Variants in LNPEP observed in about 807,000 individuals in gnomAD.
LNPEP encodes leucyl and cystinyl aminopeptidase, also known as leucyl-cystinyl aminopeptidase.
LNPEP carries 64 observed loss-of-function variants against 120.6 expected under a neutral mutation model. That is an observed-to-expected ratio of 0.53 (90% confidence interval 0.43 to 0.65). The LOEUF is 0.65. LNPEP is among the 30% of genes least tolerant of loss of function. The pLI is 0.00. For missense variants in LNPEP, 1,057 were observed against 1,200.0 expected (o/e 0.88, Z 1.76); for synonymous variants, 435 against 425.4 (o/e 1.02, Z -0.28).
chr5:96,971,779 C>T (rs1249471203), intron 1 of LNPEP, among the ~76,000 whole-genome samples: 1 of 151,866 alleles, frequency 6.6e-6, no homozygotes, highest in Admixed American at 6.6e-5. Context: ...GATTTCCCCA[C>T]GGAGAGTCTC....
At chr5:96,983,533 C>A (rs889524048) in intron 2 of LNPEP, among the ~76,000 whole-genome samples, 2 of 152,124 alleles carry the variant, frequency 1.3e-5, no homozygotes, top group Admixed American at 6.6e-5. Flanking sequence ...GCAGCCTCTG[C>A]CTCCCAGGTG....
chr5:96,979,434 CCCTCTG>C lies in LNPEP; in HGVS notation c.318_323del (p.Ser107_Ala108del), dbSNP rs1263321907. The C allele has an allele frequency of 1.2e-6, 2 of 1,614,048 alleles. No individual in the cohort carries two copies. On this transcript the variant is annotated inframe_deletion, in exon 2 of 18. Coordinates refer to ENST00000231368, the MANE Select transcript of LNPEP (RefSeq NM_005575.3). ...GAGCCCAGATGGGGCTTGTTCAGTA[CCCTCTG>C]CAAGGACCATGGTGGTCTGTGCTTT... is the stretch of plus-strand genomic sequence containing the variant.
chr5:97,004,113 C>G (rs1321315896), intron 9 of LNPEP, among the ~76,000 whole-genome samples: 1 of 152,216 alleles, frequency 6.6e-6, no homozygotes. Context: ...CACTTCAAAG[C>G]AGCACATGAA....
At chr5:97,018,062 A>T (rs953829146) in intron 13 of LNPEP, among the ~76,000 whole-genome samples, 6 of 152,110 alleles carry the variant, frequency 3.9e-5, no homozygotes, top group Non-Finnish European at 7.4e-5. Flanking sequence ...ACTTGATTGT[A>T]CCTGCAAAGA....
chr5:96,984,945 A>C, intron 2 of LNPEP, 135 bp from the exon 3 acceptor site: 1 of 892,522 alleles, frequency 1.1e-6, no homozygotes, highest in South Asian at 1.7e-5. Context: ...TCATTGTATA[A>C]ACCTCTGCCT....
intron 1 of LNPEP, among the ~76,000 whole-genome samples, chr5:96,939,386 G>T (rs1191467170): frequency 6.6e-6 from 1 of 151,840 alleles, no homozygotes; most frequent in African/African-American, 2.4e-5. Context: ...AATAATTTTT[G>T]TATTTCTAGT....
chr5:96,998,448 A>C (rs1427715326), intron 8 of LNPEP, among the ~76,000 whole-genome samples: 2 of 152,206 alleles, frequency 1.3e-5, no homozygotes, highest in Non-Finnish European at 2.9e-5. Context: ...TGTTCAGAGA[A>C]GGTCCTAAGT....
At chr5:97,019,963 C>T (rs942731300) in intron 13 of LNPEP, among the ~76,000 whole-genome samples, 10 of 152,138 alleles carry the variant, frequency 6.6e-5, no homozygotes, top group African/African-American at 1.7e-4. Context: ...GCATCGTCAG[C>T]GTAGCAAGTA....
At chr5:96,999,391 A>T (rs2112636366) in intron 8 of LNPEP, among the ~76,000 whole-genome samples, 1 of 152,264 alleles carries the variant, frequency 6.6e-6, no homozygotes, top group East Asian at 1.9e-4. Context: ...GCCAGTAAAG[A>T]AAGAGGCAGA....
intron 11 of LNPEP, chr5:97,010,662 T>C: frequency 1.0e-6 from 1 of 985,130 alleles, no homozygotes; most frequent in Non-Finnish European, 1.2e-6. Context: ...AAATCACTGT[T>C]AGATTACTTC....
chr5:96,986,110 A>G (rs1016536582), intron 3 of LNPEP, among the ~76,000 whole-genome samples: 2 of 152,122 alleles, frequency 1.3e-5, no homozygotes, highest in African/African-American at 2.4e-5. Context: ...GGGGTCCTCA[A>G]CATGGCACCC....
chr5:97,010,420 G>C (rs1790898094), intron 11 of LNPEP: 1 of 984,678 alleles, frequency 1.0e-6, no homozygotes, highest in South Asian at 4.7e-5. Context: ...GCCATTCTCT[G>C]CTCTTGCCTT....
intron 13 of LNPEP, among the ~76,000 whole-genome samples, chr5:97,019,546 A>G (rs1791141809): frequency 6.6e-6 from 1 of 152,224 alleles, no homozygotes; most frequent in Non-Finnish European, 1.5e-5. Context: ...TAATGATTTC[A>G]TATGGAGACT....
intron 1 of LNPEP, among the ~76,000 whole-genome samples, chr5:96,948,365 T>G (rs1403151958): frequency 2.0e-5 from 3 of 152,222 alleles, no homozygotes; most frequent in Non-Finnish European, 2.9e-5. Flanking sequence ...TGATCTGCCT[T>G]TCTCGGCCTC....
intron 2 of LNPEP, among the ~76,000 whole-genome samples, chr5:96,981,442 TAAAG>T (rs917786167): frequency 6.6e-6 from 1 of 152,196 alleles, no homozygotes; most frequent in African/African-American, 2.4e-5. Context: ...TTCTTAATCT[TAAAG>T]AAACATATTT....
chr5:96,997,173 A>G (rs1790533934), intron 7 of LNPEP, among the ~76,000 whole-genome samples: 1 of 152,096 alleles, frequency 6.6e-6, no homozygotes, highest in South Asian at 2.1e-4. Flanking sequence ...GATAATTCAA[A>G]CAATAGGTGG....
intron 13 of LNPEP, among the ~76,000 whole-genome samples, chr5:97,021,845 C>G (rs1582034385): frequency 1.4e-5 from 2 of 143,686 alleles, no homozygotes; most frequent in Non-Finnish European, 1.5e-5. Context: ...ATATCTATGC[C>G]TTTTTTTTTC....
At position 96,979,231 on chromosome 5, in the gene LNPEP, C is replaced by A. The variant is rs138619934; in HGVS notation, c.113C>A (p.Pro38His). The change falls in exon 2 of 18, where the codon CCT becomes CAT. Residue 38 changes from proline (P) to histidine (H), a missense_variant. Physicochemically the swap from Pro to His is moderately conservative, Grantham distance 77 (BLOSUM62 -2). Transcript: ENST00000231368. ...TTAGCCAAAGAGCCTTGTTTACATC[C>A]TCTAGAGCCTGATGAGGTGGAATAT... ...VDLAKEPCLH[P>H]LEPDEVEYEP... The A allele has an allele frequency of 4.3e-6, 7 of 1,613,848 alleles. No individual in the cohort carries two copies. The highest frequency in any genetic ancestry group is 5.9e-6 in the Non-Finnish European group (7 of 1,179,876).
At chr5:97,007,518 TA>T (rs1554070026) in intron 11 of LNPEP, among the ~76,000 whole-genome samples, 1 of 152,226 alleles carries the variant, frequency 6.6e-6, no homozygotes, top group Non-Finnish European at 1.5e-5. Context: ...TAACTATCAT[TA>T]ACGTTATTGA....
Sources: gnomAD v4.1 joint callset for allele counts (sites outside exome capture counted in the v4.1 genomes callset) on GRCh38, gnomAD v4.1.1 for gene constraint, MANE v1.5 for transcripts, NCBI Gene and HGNC (gene_info 2026-07-23, HGNC 2026-07-21) for gene names.